Variants in SMOC1 observed in about 807,000 individuals in gnomAD.
SMOC1 encodes SPARC-related modular calcium-binding protein 1.
In SMOC1, 22 loss-of-function variants were observed where a neutral mutation model predicts 56.3. That is an observed-to-expected ratio of 0.39 (90% confidence interval 0.28 to 0.56). SMOC1 has a LOEUF of 0.56. Among genes scored for constraint, SMOC1 ranks in the 20% least tolerant of loss-of-function variants. SMOC1 has a pLI of 0.61. For synonymous variants in SMOC1, 193 were observed against 215.0 expected (o/e 0.90, Z 0.89); for missense variants, 509 against 565.4 (o/e 0.90, Z 1.01).
intron 1 of SMOC1, chr14:69,885,310 T>G: frequency 1.7e-6 from 2 of 1,184,984 alleles, no homozygotes; most frequent in Non-Finnish European, 2.4e-6. Context: ...TTTAATTATT[T>G]TTATGTACAG....
At chr14:69,968,063 C>T (rs887623509) in intron 3 of SMOC1, among the ~76,000 whole-genome samples, 1 of 152,210 alleles carries the variant, frequency 6.6e-6, no homozygotes, top group Non-Finnish European at 1.5e-5. Context: ...CATTAAAATA[C>T]CATGTCATTA....
At chr14:69,897,059 C>A (rs552785576) in intron 1 of SMOC1, among the ~76,000 whole-genome samples, 1 of 152,306 alleles carries the variant, frequency 6.6e-6, no homozygotes, top group East Asian at 1.9e-4. Context: ...AGGGGTCAGG[C>A]TAGTGACTGT....
intron 1 of SMOC1, among the ~76,000 whole-genome samples, chr14:69,890,754 G>A (rs1337670560): frequency 6.6e-6 from 1 of 152,118 alleles, no homozygotes; most frequent in Non-Finnish European, 1.5e-5. Flanking sequence ...AACCTCAGCA[G>A]GACATAACTG....
At chr14:69,974,380 C>T (rs1417180409) in intron 3 of SMOC1, among the ~76,000 whole-genome samples, 1 of 152,014 alleles carries the variant, frequency 6.6e-6, no homozygotes, top group Non-Finnish European at 1.5e-5. Context: ...TGGGGAAGGG[C>T]ATTCCAGACA....
In SMOC1 at chr14:69,992,524, T is replaced by C. The variant is rs368654959; in HGVS notation, c.583+51T>C. 6,494 of 1,380,542 alleles carry C rather than the reference T, an allele frequency of 4.7e-3. 23 individuals carry two copies. The highest frequency in any genetic ancestry group is 6.1e-3 in the Non-Finnish European group (5,871 of 966,552). 85.5% of individuals were successfully genotyped at this position (1,380,542 alleles called of 1,614,324 possible). On this transcript the variant is annotated intron_variant, in intron 6 of 11. Coordinates refer to ENST00000361956, the MANE Select transcript of SMOC1 (RefSeq NM_001034852.3). ...TTCATTCTCCCACTCATTTTCAGGT[T>C]TGGGAAAAGTCTTAACGTTGGATGT...
chr14:69,983,098 C>T (rs1429181471), intron 5 of SMOC1, among the ~76,000 whole-genome samples: 1 of 152,190 alleles, frequency 6.6e-6, no homozygotes, highest in Non-Finnish European at 1.5e-5. Context: ...TTGGCTCCAG[C>T]TACTCAACCG....
chr14:69,911,254 G>A (rs1267497081), intron 1 of SMOC1, among the ~76,000 whole-genome samples: 1 of 152,212 alleles, frequency 6.6e-6, no homozygotes, highest in East Asian at 1.9e-4. Flanking sequence ...GGGGGTAAAG[G>A]CTGGAGATGG....
intron 11 of SMOC1, 123 bp downstream of exon 11, chr14:70,023,570 T>A (rs747228792): frequency 6.6e-5 from 91 of 1,375,212 alleles, no homozygotes; most frequent in Non-Finnish European, 9.3e-5. Flanking sequence ...TTGCTGGAAG[T>A]GTGCTATGCT....
intron 10 of SMOC1, among the ~76,000 whole-genome samples, chr14:70,018,549 C>T (rs1417048421): frequency 6.6e-6 from 1 of 152,152 alleles, no homozygotes; most frequent in African/African-American, 2.4e-5. Flanking sequence ...CCCTTTGGCC[C>T]CTCTGGCCAG....
At chr14:70,023,953 A>T (rs1566715341) in intron 11 of SMOC1, among the ~76,000 whole-genome samples, 1 of 151,622 alleles carries the variant, frequency 6.6e-6, no homozygotes, top group Non-Finnish European at 1.5e-5. Flanking sequence ...TTCCAAGGTT[A>T]CTCTGGGGGT....
At chr14:69,929,905 C>T (rs1885114685) in intron 1 of SMOC1, among the ~76,000 whole-genome samples, 1 of 152,092 alleles carries the variant, frequency 6.6e-6, no homozygotes, top group African/African-American at 2.4e-5. Flanking sequence ...GAAACCTCTT[C>T]CTGGTGTCTG....
In SMOC1 at chr14:70,010,825, A is replaced by G. The variant is rs569514948; in HGVS notation, c.736A>G (p.Ile246Val). The part of the protein sequence containing the change: ...EEAQQNPREG[I>V]VIPECAPGGL... ...GGCCCAGCAGAATCCCCGTGAGGGT[A>G]TTGTCATCCCTGAATGTGCCCCTGG... Residue 246 changes from isoleucine (I) to valine (V), a missense_variant, in exon 8 of 12, where the codon ATT (isoleucine) becomes GTT (valine). By Grantham distance (29) the Ile-to-Val change is conservative. Coordinates refer to ENST00000361956, the MANE Select transcript of SMOC1 (RefSeq NM_001034852.3). 4.3e-6 allele frequency: 7 copies of G among 1,614,168 alleles called. No individual in the cohort carries two copies. In the South Asian group the frequency reaches 7.7e-5, roughly 18 times the overall value.
At chr14:69,966,557 T>A (rs1213143332) in intron 3 of SMOC1, among the ~76,000 whole-genome samples, 1 of 152,138 alleles carries the variant, frequency 6.6e-6, no homozygotes, top group East Asian at 1.9e-4. Context: ...CTCAGAGACA[T>A]CTGGTTTATC....
intron 3 of SMOC1, among the ~76,000 whole-genome samples, chr14:69,971,014 C>A (rs112864749): frequency 0.011 from 1,690 of 152,118 alleles, 40 homozygotes; most frequent in African/African-American, 0.039. Context: ...CCTTTGAGAC[C>A]CCTAGTTACA....
intron 7 of SMOC1, among the ~76,000 whole-genome samples, chr14:70,001,255 A>G (rs535703206): frequency 6.6e-6 from 1 of 152,288 alleles, no homozygotes; most frequent in Admixed American, 6.5e-5. Context: ...ACAGGAGCCC[A>G]GACTTGCTAA....
chr14:70,006,301 C>A (rs1424658194), intron 7 of SMOC1, among the ~76,000 whole-genome samples: 5 of 152,256 alleles, frequency 3.3e-5, no homozygotes, highest in African/African-American at 1.2e-4. Flanking sequence ...TTAATACAAG[C>A]AAACTGCCCA....
intron 11 of SMOC1, among the ~76,000 whole-genome samples, chr14:70,023,829 ATGTGTG>A (rs57688603): frequency 2.1e-5 from 3 of 144,934 alleles, no homozygotes; most frequent in Admixed American, 6.9e-5. Flanking sequence ...GAGTGTGTGT[ATGTGTG>A]TGTGTGTGTG....
At chr14:70,003,925 C>G (rs1350357005) in intron 7 of SMOC1, among the ~76,000 whole-genome samples, 2 of 152,142 alleles carry the variant, frequency 1.3e-5, no homozygotes, top group African/African-American at 4.8e-5. Context: ...CCAGTAATAT[C>G]CTGGGTGATA....
intron 5 of SMOC1, among the ~76,000 whole-genome samples, chr14:69,985,037 A>G: frequency 7.4e-6 from 1 of 134,610 alleles, no homozygotes; most frequent in African/African-American, 3.1e-5. Context: ...CTGTCTCAAA[A>G]AAAGAAAAAA....
Sources: gnomAD v4.1 joint callset for allele counts (sites outside exome capture counted in the v4.1 genomes callset) on GRCh38, gnomAD v4.1.1 for gene constraint, MANE v1.5 for transcripts, NCBI Gene and HGNC (gene_info 2026-07-23, HGNC 2026-07-21) for gene names.